KCNK2: variants seen among roughly 807,000 people sequenced by gnomAD.
The protein encoded by KCNK2 is potassium two pore domain channel subfamily K member 2.
In KCNK2, 21 loss-of-function variants were observed where a neutral mutation model predicts 40.5. The ratio of observed to expected loss-of-function variants is 0.52; its 90% CI spans 0.37 to 0.75. The LOEUF is 0.75. Ranked by LOEUF, KCNK2 falls within the 30% of genes least tolerant of loss-of-function variation. KCNK2 has a pLI of 0.00. For synonymous variants in KCNK2, 191 were observed against 202.2 expected, an observed-to-expected ratio of 0.94 and a Z score of 0.47; for missense variants, 399 against 531.6, an observed-to-expected ratio of 0.75 and a Z score of 2.45.
Position 215,177,740 on chromosome 1 carries a change from A to ATATT in KCNK2, c.823+5558_823+5559insATTT, listed in dbSNP as rs71167812. ...TATATGTGTATATATATATATATAT[A>ATATT]TTTTTTTTTTTTGTAGCAGTACCAT... On this transcript the variant is annotated intron_variant, in intron 5 of 6. Coordinates refer to ENST00000444842, the MANE Select transcript of KCNK2 (RefSeq NM_001017425.3). 5.4e-3 allele frequency among the ~76,000 whole-genome samples: 545 copies of ATATT among 101,536 alleles called. 8 individuals carry two copies. The highest frequency in any genetic ancestry group is 0.017 in the African/African-American group (471 of 28,470). 66.6% of individuals were successfully genotyped at this position (101,536 alleles called of 152,430 possible).
At chr1:215,045,697 T>A (rs1383325641) in intron 1 of KCNK2, among the ~76,000 whole-genome samples, 2 of 152,200 alleles carry the variant, frequency 1.3e-5, no homozygotes, top group African/African-American at 2.4e-5. Flanking sequence ...ATAATTTTTT[T>A]AAATAAAATA....
intron 3 of KCNK2, among the ~76,000 whole-genome samples, chr1:215,167,929 C>T (rs1435777887): frequency 6.6e-6 from 1 of 152,064 alleles, no homozygotes; most frequent in African/African-American, 2.4e-5. Flanking sequence ...TCAGAGCAAA[C>T]AGGCAACCTA....
intron 1 of KCNK2, among the ~76,000 whole-genome samples, chr1:215,061,255 C>A (rs1039236384): frequency 6.6e-6 from 1 of 152,018 alleles, no homozygotes; most frequent in Non-Finnish European, 1.5e-5. Flanking sequence ...CAACTTCAAA[C>A]AATATGGCCT....
chr1:215,020,015 CCT>C lies in KCNK2; in HGVS notation c.34+14061_34+14062del, dbSNP rs762959470. On this transcript the variant is annotated intron_variant, in intron 1 of 6. Transcript: ENST00000391895. ...GAATAAACAAGATAATTTATTTCACCCTGAGTCATTATAGATCTATTCATCAA... is the reference window on the plus strand; with the variant it reads ...GAATAAACAAGATAATTTATTTCACCGAGTCATTATAGATCTATTCATCAA... Among the ~76,000 whole-genome samples the C allele has an allele frequency of 5.3e-5, 8 of 151,854 alleles. No homozygotes were observed. The South Asian group carries it at 1.7e-3, about 32-fold the overall frequency.
At chr1:215,056,135 C>G (rs1023706560) in intron 1 of KCNK2, among the ~76,000 whole-genome samples, 5 of 151,794 alleles carry the variant, frequency 3.3e-5, no homozygotes, top group African/African-American at 9.7e-5. Flanking sequence ...ATGGAGAAAC[C>G]CCGTCTCTAC....
chr1:215,115,648 C>G (rs543914039), intron 2 of KCNK2, among the ~76,000 whole-genome samples: 1 of 152,174 alleles, frequency 6.6e-6, no homozygotes, highest in East Asian at 1.9e-4. Context: ...AACTAAACAA[C>G]CTTGATCTTT....
intron 3 of KCNK2, among the ~76,000 whole-genome samples, chr1:215,166,287 A>G (rs1223057804): frequency 1.3e-5 from 2 of 152,188 alleles, no homozygotes; most frequent in Non-Finnish European, 2.9e-5. Context: ...GGGACCATGA[A>G]CTCTTTTTGA....
intron 1 of KCNK2, among the ~76,000 whole-genome samples, chr1:215,007,226 T>C (rs1018119571): frequency 1.9e-5 from 2 of 103,172 alleles, no homozygotes; most frequent in Middle Eastern, 5.2e-3. Context: ...TATATATATA[T>C]AGGCTCATTT....
chr1:215,171,901 T>G, intron 4 of KCNK2, 96 bp from the exon 5 acceptor site: 1 of 850,230 alleles, frequency 1.2e-6, no homozygotes, highest in Non-Finnish European at 1.7e-6. Flanking sequence ...ATACAAGTAA[T>G]TTCTCTCTCT....
chr1:215,210,940 C>T (rs1665719298), intron 6 of KCNK2, among the ~76,000 whole-genome samples: 2 of 152,116 alleles, frequency 1.3e-5, no homozygotes, highest in African/African-American at 4.8e-5. Flanking sequence ...TCACTTCTCA[C>T]TTGTTTCATC....
chr1:215,117,668 T>C (rs1661007311), intron 2 of KCNK2, among the ~76,000 whole-genome samples: 1 of 152,136 alleles, frequency 6.6e-6, no homozygotes, highest in African/African-American at 2.4e-5. Flanking sequence ...TGAGAACTGC[T>C]CATGGAATAT....
chr1:215,071,230 A>G (rs1187237148), intron 1 of KCNK2, among the ~76,000 whole-genome samples: 1 of 152,162 alleles, frequency 6.6e-6, no homozygotes, highest in East Asian at 1.9e-4. Flanking sequence ...ATGTCTTGTG[A>G]TTCTCAAGGT....
At chr1:215,121,566 C>T (rs1661191438) in intron 2 of KCNK2, among the ~76,000 whole-genome samples, 1 of 152,180 alleles carries the variant, frequency 6.6e-6, no homozygotes, top group Non-Finnish European at 1.5e-5. Context: ...GGAGCCGCCA[C>T]ACTTGGCCAA....
At chr1:215,028,998 T>C (rs1657091296) in intron 1 of KCNK2, among the ~76,000 whole-genome samples, 1 of 151,722 alleles carries the variant, frequency 6.6e-6, no homozygotes, top group South Asian at 2.1e-4. Context: ...TTTAAGTTCA[T>C]AGCAAAATTC....
chr1:215,162,640 G>A (rs1284653564), intron 3 of KCNK2, among the ~76,000 whole-genome samples: 2 of 152,096 alleles, frequency 1.3e-5, no homozygotes, highest in African/African-American at 4.8e-5. Context: ...TCTGCATATA[G>A]CTAGCCAGTT....
chr1:215,105,898 C>G (rs1326080251), intron 2 of KCNK2, among the ~76,000 whole-genome samples: 1 of 152,018 alleles, frequency 6.6e-6, no homozygotes, highest in Non-Finnish European at 1.5e-5. Context: ...TAAGCTGTGT[C>G]CATACTGCTG....
upstream of KCNK2, among the ~76,000 whole-genome samples, chr1:215,080,120 G>C (rs978963620): frequency 3.1e-4 from 47 of 152,264 alleles, no homozygotes; most frequent in African/African-American, 1.1e-3. Context: ...CAGCATTTGG[G>C]ATTCATGATG....
At chr1:215,116,270 C>T (rs1422451607) in intron 2 of KCNK2, among the ~76,000 whole-genome samples, 1 of 152,030 alleles carries the variant, frequency 6.6e-6, no homozygotes, top group Non-Finnish European at 1.5e-5. Flanking sequence ...ATTGTTACAA[C>T]TATTAAAACG....
intron 1 of KCNK2, among the ~76,000 whole-genome samples, chr1:215,045,173 G>A (rs1657724800): frequency 6.7e-6 from 1 of 149,178 alleles, no homozygotes; most frequent in African/African-American, 2.5e-5. Context: ...GACAGAGCGA[G>A]ACTCCGTCTC....
Sources: allele counts gnomAD v4.1 joint callset (sites outside exome capture counted in the v4.1 genomes callset), GRCh38; gene constraint gnomAD v4.1.1; transcripts MANE v1.5; gene names NCBI Gene and HGNC (gene_info 2026-07-23, HGNC 2026-07-21).